The following KLHL3 variants were observed in gnomAD, a reference collection of about 807,000 sequenced individuals.
KLHL3 encodes the protein kelch like family member 3.
Under a neutral mutation model 70.5 loss-of-function variants are expected in KLHL3, and 19 were observed. The ratio of observed to expected loss-of-function variants is 0.27; its 90% CI spans 0.19 to 0.40. The LOEUF is 0.40. KLHL3 is among the 10% of genes least tolerant of loss of function. The probability of loss-of-function intolerance (pLI) is 1.00; values close to 1 mark genes in which losing one functional copy is unlikely to be tolerated. For missense variants in KLHL3, 512 were observed against 771.1 expected (o/e 0.66, Z 3.98); for synonymous variants, 258 against 290.3 (o/e 0.89, Z 1.13).
chr5:137,656,297 C>T (rs1175630687), intron 8 of KLHL3, among the ~76,000 whole-genome samples: 1 of 151,940 alleles, frequency 6.6e-6, no homozygotes, highest in Admixed American at 6.5e-5. Flanking sequence ...AATTAAACAC[C>T]ATGTACCATT....
chr5:137,656,263 A>G (rs1751343050), intron 8 of KLHL3, among the ~76,000 whole-genome samples: 1 of 152,160 alleles, frequency 6.6e-6, no homozygotes, highest in Non-Finnish European at 1.5e-5. Flanking sequence ...TGTCCATAAT[A>G]TGCACATAAT....
chr5:137,662,098 G>GAA, intron 6 of KLHL3, 67 bp from the exon 7 acceptor site: 1 of 337,526 alleles, frequency 3.0e-6, no homozygotes, highest in Non-Finnish European at 4.7e-6. Flanking sequence ...CCCTCAATCT[G>GAA]TAAAAAAAAA....
chr5:137,637,245 G>A, intron 11 of KLHL3, 49 bp downstream of exon 11: 1 of 1,490,504 alleles, frequency 6.7e-7, no homozygotes, highest in South Asian at 1.1e-5. Context: ...CCCAGGACAA[G>A]GCCCGTGGGC....
rs199469635 is a variant in KLHL3, at chr5:137,628,306, G to A, written c.1582C>T (p.Arg528Cys). The change falls in exon 13 of 15, where the codon CGC becomes TGC. Residue 528 changes from arginine (R) to cysteine (C), a missense_variant. Arg to Cys is a radical substitution (Grantham distance 180). Transcript: ENST00000309755. ...AGAGAGCAGTCATTACCTGCGTTGC[G>A]CCGGCACATGTTCATGTCTGCCACT... ...KQVADMNMCR[R>C]NAGVCAVNGL... 6.2e-7 allele frequency: 1 copy of A among 1,614,156 alleles called. No homozygotes were observed. The highest frequency in any genetic ancestry group is 8.5e-7 in the Non-Finnish European group (1 of 1,180,008).
At chr5:137,725,407 G>C (rs1209954976) in intron 1 of KLHL3, among the ~76,000 whole-genome samples, 1 of 152,080 alleles carries the variant, frequency 6.6e-6, no homozygotes, top group Non-Finnish European at 1.5e-5. Context: ...GCAAAAACTG[G>C]CCCCAGATTC....
At position 137,621,081 on chromosome 5, in the gene KLHL3, G is replaced by A. The variant is rs1436685758; in HGVS notation, c.*1017C>T. On this transcript the variant is annotated 3_prime_UTR_variant, in exon 15 of 15. Transcript: ENST00000309755. ...ATCCTCCAGACCAGAACACTTCTGA[G>A]TAAAATGGGGTGCTGTGAATAATTA... 2 of 152,566 alleles carry A rather than the reference G, an allele frequency of 1.3e-5. No individual in the cohort carries two copies. The highest frequency in any genetic ancestry group is 2.9e-5 in the Non-Finnish European group (2 of 68,042). 9.5% of individuals were successfully genotyped at this position (152,566 alleles called of 1,614,324 possible). A position where few individuals can be genotyped will look rare whatever the true frequency, so the allele number is the denominator to read the frequency against.
At chr5:137,678,365 G>A (rs562385466) in intron 5 of KLHL3, among the ~76,000 whole-genome samples, 9 of 152,306 alleles carry the variant, frequency 5.9e-5, no homozygotes, top group African/African-American at 2.2e-4. Flanking sequence ...GGAAATACCA[G>A]GGACAATTCC....
At chr5:137,623,009 CTTG>C (rs1580711277) in intron 14 of KLHL3, among the ~76,000 whole-genome samples, 1 of 152,234 alleles carries the variant, frequency 6.6e-6, no homozygotes, top group Non-Finnish European at 1.5e-5. Flanking sequence ...TGGCTTTGTT[CTTG>C]TTGTGACTGG....
intron 4 of KLHL3, 115 bp downstream of exon 4, chr5:137,698,172 T>G: frequency 7.2e-7 from 1 of 1,389,290 alleles, no homozygotes; most frequent in Admixed American, 1.9e-5. Flanking sequence ...CTCTGGAGCT[T>G]TAGTTTCCTC....
At position 137,628,373 on chromosome 5, in the gene KLHL3, C is replaced by G; in HGVS notation, c.1515G>C (p.Lys505Asn). ...TTCCAGGATCGTAAACCTCAACGCT[C>G]TTCCTCACCAAAGGCCCATCATGCC... ...TGGHDGPLVR[K>N]SVEVYDPGTN... is the part of the protein sequence containing the mutation. The change falls in exon 13 of 15, where the codon AAG (lysine) becomes AAC (asparagine). Residue 505 changes from lysine to asparagine, a missense_variant. Transcript: ENST00000309755. 1 of 1,614,198 alleles carries G rather than the reference C, an allele frequency of 6.2e-7. No homozygotes were observed. The highest frequency in any genetic ancestry group is 8.5e-7 in the Non-Finnish European group (1 of 1,180,024).
chr5:137,636,208 A>T (rs1750762890), intron 11 of KLHL3, among the ~76,000 whole-genome samples: 1 of 152,212 alleles, frequency 6.6e-6, no homozygotes, highest in Non-Finnish European at 1.5e-5. Flanking sequence ...GAAAACTTAA[A>T]TTACACAATA....
At chr5:137,644,156 C>A (rs530535874) in intron 8 of KLHL3, among the ~76,000 whole-genome samples, 8 of 152,214 alleles carry the variant, frequency 5.3e-5, no homozygotes, top group Admixed American at 1.3e-4. Flanking sequence ...GCAACCTCCA[C>A]CCCCCGGGTT....
chr5:137,705,368 T>C (rs1752665081), intron 3 of KLHL3, among the ~76,000 whole-genome samples: 1 of 152,172 alleles, frequency 6.6e-6, no homozygotes, highest in Non-Finnish European at 1.5e-5. Flanking sequence ...GCCCTCATGG[T>C]TCTGCCTTGT....
intron 7 of KLHL3, 194 bp downstream of exon 7, chr5:137,661,721 C>A: frequency 4.1e-6 from 2 of 491,652 alleles, no homozygotes; most frequent in Non-Finnish European, 7.2e-6. Flanking sequence ...GAGACTGAAA[C>A]CTAAGTGTCC....
intron 6 of KLHL3, among the ~76,000 whole-genome samples, chr5:137,675,758 G>A (rs1751869610): frequency 6.6e-6 from 1 of 152,136 alleles, no homozygotes; most frequent in Non-Finnish European, 1.5e-5. Context: ...GATCTCAAGA[G>A]CAAGATGGGC....
chr5:137,681,636 G>C (rs1353102748), intron 5 of KLHL3, among the ~76,000 whole-genome samples: 1 of 152,070 alleles, frequency 6.6e-6, no homozygotes, highest in Non-Finnish European at 1.5e-5. Flanking sequence ...TGTGCCGGGG[G>C]CATAGTACCT....
rs574268201 is a variant in KLHL3, at chr5:137,689,239, T to C, written c.526+3046A>G. On this transcript the variant is annotated intron_variant, in intron 5 of 14. Coordinates refer to ENST00000309755, the MANE Select transcript of KLHL3 (RefSeq NM_017415.3). ...TGCTTATATACTGCTGGTGGGAATGTAAATTAATTCAGCTACTGTGGAAAA... is the reference window on the plus strand; with the variant it reads ...TGCTTATATACTGCTGGTGGGAATGCAAATTAATTCAGCTACTGTGGAAAA... 2.3e-4 allele frequency among the ~76,000 whole-genome samples: 35 copies of C among 152,358 alleles called. 1 individual carries two copies. The highest frequency in any genetic ancestry group is 2.2e-3 in the Admixed American group (33 of 15,308).
chr5:137,709,732 G>T lies in KLHL3; in HGVS notation c.241+18C>A. ...TGCAGCCCCATAACCATGGGTTAAT[G>T]GTGGCCACTCACCATACCTGTGAAC... On this transcript the variant is annotated intron_variant, in intron 3 of 14. Transcript: ENST00000309755. 6 of 1,590,870 alleles carry T rather than the reference G, an allele frequency of 3.8e-6. No individual in the cohort carries two copies. Among genetic ancestry groups the T allele is most frequent in the South Asian group, 1.1e-5 (1 of 90,646 alleles).
intron 4 of KLHL3, among the ~76,000 whole-genome samples, chr5:137,697,161 C>CT (rs57501372): frequency 9.5e-5 from 14 of 146,682 alleles, no homozygotes; most frequent in Non-Finnish European, 1.1e-4. Flanking sequence ...TCTTCCCAAT[C>CT]TTTTTTTTTT....
Sources: gnomAD v4.1 joint callset for allele counts (sites outside exome capture counted in the v4.1 genomes callset) on GRCh38, gnomAD v4.1.1 for gene constraint, MANE v1.5 for transcripts, NCBI Gene and HGNC (gene_info 2026-07-23, HGNC 2026-07-21) for gene names.